Variants in RXFP1 observed in about 807,000 individuals in gnomAD.
RXFP1 encodes relaxin receptor 1.
In RXFP1, 73 loss-of-function variants were observed where a neutral mutation model predicts 89.8. The observed-to-expected ratio is 0.81, with a 90% CI of 0.67 to 0.99. The LOEUF is 0.99. Ranked by LOEUF, RXFP1 falls within the 50% of genes least tolerant of loss-of-function variation. The probability of loss-of-function intolerance (pLI) is 0.00; values close to 1 mark genes in which losing one functional copy is unlikely to be tolerated. For missense variants in RXFP1, 793 were observed against 895.5 expected (o/e 0.89, Z 1.46); for synonymous variants, 277 against 305.5 (o/e 0.91, Z 0.97).
intron 8 of RXFP1, 28 bp from the exon 9 acceptor site, chr4:158,617,103 G>A (rs771921291): frequency 4.6e-6 from 7 of 1,525,910 alleles, no homozygotes. Flanking sequence ...CCAGAAAAAT[G>A]TGACTTGTTT....
In RXFP1 at chr4:158,633,452, A is replaced by G; in HGVS notation, c.947A>G (p.Lys316Arg). ...KIENLPPLIF[K>R]DLKELSQLNL... Reference sequence around the variant, plus strand: ...GAAAATCTTCCACCGCTTATATTCAAGGACCTGAAGGAGCTGTCACAATTG... The same window carrying G: ...GAAAATCTTCCACCGCTTATATTCAGGGACCTGAAGGAGCTGTCACAATTG... The change falls in exon 12 of 18, where the codon AAG becomes AGG. Residue 316 changes from lysine to arginine, a missense_variant. Coordinates refer to ENST00000307765, the MANE Select transcript of RXFP1 (RefSeq NM_021634.4). The G allele has an allele frequency of 1.2e-6, 2 of 1,601,930 alleles. No homozygotes were observed. The highest frequency in any genetic ancestry group is 2.2e-5 in the South Asian group (2 of 89,204).
rs147360694 is a variant in RXFP1, at chr4:158,579,117, C to T, written c.187+6282C>T. 2.6e-3 allele frequency among the ~76,000 whole-genome samples: 398 copies of T among 151,180 alleles called. 2 individuals carry two copies. The highest frequency in any genetic ancestry group is 9.1e-3 in the African/African-American group (375 of 41,114). On this transcript the variant is annotated intron_variant, in intron 2 of 17. Coordinates refer to ENST00000307765, the MANE Select transcript of RXFP1 (RefSeq NM_021634.4). ...GACAGAGGCAGAGACTGGAGCGATG[C>T]TGCCACAAGCCAAGGAACACCAGGA...
chr4:158,545,682 C>G (rs545761650), intron 1 of RXFP1, among the ~76,000 whole-genome samples: 68 of 152,276 alleles, frequency 4.5e-4, no homozygotes, highest in African/African-American at 1.6e-3. Context: ...AGCCAGTTTT[C>G]CCAGCACCAT....
chr4:158,559,550 G>T (rs952717231), intron 1 of RXFP1, among the ~76,000 whole-genome samples: 5 of 151,998 alleles, frequency 3.3e-5, no homozygotes, highest in Admixed American at 2.0e-4. Context: ...CCTATACCAG[G>T]AATAGATGTG....
intron 1 of RXFP1, among the ~76,000 whole-genome samples, chr4:158,528,421 G>A (rs967261956): frequency 3.9e-5 from 6 of 152,108 alleles, no homozygotes; most frequent in African/African-American, 9.7e-5. Flanking sequence ...TGGGAGGATC[G>A]CTTGAGCCTG....
intron 14 of RXFP1, among the ~76,000 whole-genome samples, chr4:158,641,635 G>C (rs1194586401): frequency 6.6e-6 from 1 of 152,146 alleles, no homozygotes; most frequent in African/African-American, 2.4e-5. Context: ...AATTGACCTT[G>C]AGCTTGACAG....
rs370753545 is a variant in RXFP1, at chr4:158,628,729, T to C, written c.899+20T>C. 1.6e-4 allele frequency: 217 copies of C among 1,364,078 alleles called. No individual in the cohort carries two copies. The highest frequency in any genetic ancestry group is 2.0e-4 in the Non-Finnish European group (191 of 973,920). 84.5% of individuals were successfully genotyped at this position (1,364,078 alleles called of 1,614,324 possible). A position where few individuals can be genotyped will look rare whatever the true frequency, so the allele number is the denominator to read the frequency against. The stretch of plus-strand genomic sequence containing the variant: ...TGAATTGTAAGTATGACTGAACATA[T>C]ACTGATAAGAATTTTCTTTCTACTG... On this transcript the variant is annotated intron_variant, in intron 11 of 17. Coordinates refer to ENST00000307765, the MANE Select transcript of RXFP1 (RefSeq NM_021634.4).
intron 2 of RXFP1, among the ~76,000 whole-genome samples, chr4:158,575,296 C>CA (rs1313661353): frequency 2.0e-5 from 3 of 152,142 alleles, no homozygotes; most frequent in Admixed American, 2.0e-4. Context: ...GTTTAGAAAT[C>CA]AGAGTTAAAC....
At chr4:158,617,098 A>G in intron 8 of RXFP1, 33 bp from the exon 9 acceptor site, 1 of 1,506,454 alleles carries the variant, frequency 6.6e-7, no homozygotes, top group African/African-American at 1.4e-5. Flanking sequence ...GAGAACCAGA[A>G]AAATGTGACT....
intron 1 of RXFP1, among the ~76,000 whole-genome samples, chr4:158,541,716 G>C (rs888837593): frequency 6.6e-6 from 1 of 151,854 alleles, no homozygotes; most frequent in African/African-American, 2.4e-5. Flanking sequence ...AATCATTTGA[G>C]ACTCACTGAC....
intron 2 of RXFP1, among the ~76,000 whole-genome samples, chr4:158,585,390 A>C (rs1383877253): frequency 6.6e-6 from 1 of 152,184 alleles, no homozygotes; most frequent in African/African-American, 2.4e-5. Context: ...TGCATCCAAG[A>C]AACTTGGAAG....
intron 3 of RXFP1, among the ~76,000 whole-genome samples, chr4:158,594,345 T>C (rs1760112782): frequency 1.3e-5 from 2 of 152,218 alleles, no homozygotes; most frequent in Non-Finnish European, 2.9e-5. Context: ...TCCTCAGCCC[T>C]ACCCTCATTA....
intron 2 of RXFP1, among the ~76,000 whole-genome samples, chr4:158,590,908 G>A (rs1306009496): frequency 6.6e-6 from 1 of 152,194 alleles, no homozygotes; most frequent in Admixed American, 6.5e-5. Context: ...CAGAGGTAGG[G>A]AATACACCAC....
intron 5 of RXFP1, chr4:158,607,161 T>A: frequency 6.8e-7 from 1 of 1,472,452 alleles, no homozygotes; most frequent in South Asian, 1.2e-5. Flanking sequence ...CAAAACTTTG[T>A]GTGGGTGCAA....
chr4:158,528,933 T>G (rs1164362382), intron 1 of RXFP1, among the ~76,000 whole-genome samples: 2 of 152,264 alleles, frequency 1.3e-5, no homozygotes, highest in Admixed American at 1.3e-4. Flanking sequence ...TGTTCTGTCT[T>G]TCTGCCTATG....
At chr4:158,584,590 C>T (rs1321169988) in intron 2 of RXFP1, among the ~76,000 whole-genome samples, 1 of 152,172 alleles carries the variant, frequency 6.6e-6, no homozygotes, top group Non-Finnish European at 1.5e-5. Context: ...CATCATCACA[C>T]ACTCTGTTCT....
chr4:158,546,919 T>C (rs1183579394), intron 1 of RXFP1, among the ~76,000 whole-genome samples: 2 of 152,116 alleles, frequency 1.3e-5, no homozygotes, highest in Non-Finnish European at 2.9e-5. Context: ...TCTTTTTTGG[T>C]TGTGTCTCTG....
intron 8 of RXFP1, among the ~76,000 whole-genome samples, chr4:158,613,978 A>G (rs1366134586): frequency 6.6e-6 from 1 of 152,210 alleles, no homozygotes; most frequent in African/African-American, 2.4e-5. Context: ...AGGCATGAAA[A>G]CAACATGAAT....
chr4:158,612,214 T>C lies in RXFP1; in HGVS notation c.608+13T>C, dbSNP rs201677676. ...GACTAGAATGGCTGTATGTTTAATTTATGTGGCATTTTATTGCACTAGTTT... is the reference window on the plus strand; with the variant it reads ...GACTAGAATGGCTGTATGTTTAATTCATGTGGCATTTTATTGCACTAGTTT... On this transcript the variant is annotated intron_variant, in intron 7 of 17. Transcript: ENST00000307765. 5.8e-4 allele frequency: 940 copies of C among 1,608,610 alleles called. 1 individual carries two copies. Among genetic ancestry groups the C allele is most frequent in the Non-Finnish European group, 7.4e-4 (867 of 1,177,576 alleles).
Sources: gnomAD v4.1 joint callset for allele counts (sites outside exome capture counted in the v4.1 genomes callset) on GRCh38, gnomAD v4.1.1 for gene constraint, MANE v1.5 for transcripts, NCBI Gene and HGNC (gene_info 2026-07-23, HGNC 2026-07-21) for gene names.